The following FAM107B variants were observed in gnomAD, a reference collection of about 807,000 sequenced individuals.
FAM107B encodes protein FAM107B.
In FAM107B, 21 loss-of-function variants were observed where a neutral mutation model predicts 31.5. The observed-to-expected ratio is 0.67, with a 90% confidence interval of 0.47 to 0.96. The LOEUF (loss-of-function observed/expected upper bound fraction) is 0.96, where lower values mean the gene tolerates loss of function less well. FAM107B is among the 40% of genes least tolerant of loss of function. FAM107B has a pLI of 0.00. For missense variants in FAM107B, 452 were observed against 377.1 expected (o/e 1.20, Z -1.64); for synonymous variants, 157 against 141.5 (o/e 1.11, Z -0.78).
chr10:14,719,951 T>TGC (rs1554752708), intron 1 of FAM107B, among the ~76,000 whole-genome samples: 6 of 152,150 alleles, frequency 3.9e-5, no homozygotes, highest in Non-Finnish European at 5.9e-5. Flanking sequence ...TGTGGGCTCT[T>TGC]TTCCTCACTG....
intron 1 of FAM107B, among the ~76,000 whole-genome samples, chr10:14,714,222 T>C (rs919709922): frequency 1.6e-4 from 25 of 152,162 alleles, no homozygotes; most frequent in South Asian, 6.2e-4. Flanking sequence ...AGGAGAAGGT[T>C]CTTATACAGC....
chr10:14,756,712 G>A (rs1029113267), intron 1 of FAM107B, among the ~76,000 whole-genome samples: 6 of 152,144 alleles, frequency 3.9e-5, no homozygotes, highest in South Asian at 2.1e-4. Flanking sequence ...GCATGCATGC[G>A]TATGTTTATT....
chr10:14,679,141 T>TC (rs1854765686), intron 1 of FAM107B, among the ~76,000 whole-genome samples: 1 of 152,064 alleles, frequency 6.6e-6, no homozygotes, highest in African/African-American at 2.4e-5. Flanking sequence ...GTTTTCCTTT[T>TC]TTTTTGGAGA....
intron 2 of FAM107B, among the ~76,000 whole-genome samples, chr10:14,637,181 G>T (rs1853521343): frequency 6.6e-6 from 1 of 152,016 alleles, no homozygotes; most frequent in Admixed American, 6.6e-5. Flanking sequence ...GCTTCACGAG[G>T]GTCTTATTTC....
At chr10:14,731,313 G>A (rs964525116) in intron 1 of FAM107B, among the ~76,000 whole-genome samples, 1 of 152,198 alleles carries the variant, frequency 6.6e-6, no homozygotes, top group South Asian at 2.1e-4. Context: ...TGTAATCCCA[G>A]CAGTATGGGG....
At chr10:14,591,106 C>A (rs1282354118) in intron 2 of FAM107B, among the ~76,000 whole-genome samples, 1 of 150,552 alleles carries the variant, frequency 6.6e-6, no homozygotes, top group Non-Finnish European at 1.5e-5. Flanking sequence ...AATGACTGAT[C>A]TTTTATAAGA....
At chr10:14,705,341 G>C (rs950479364) in intron 1 of FAM107B, among the ~76,000 whole-genome samples, 1 of 152,138 alleles carries the variant, frequency 6.6e-6, no homozygotes, top group Non-Finnish European at 1.5e-5. Context: ...TACCCTATGA[G>C]CCAGCAATTA....
At chr10:14,604,409 G>T (rs1852524032) in intron 2 of FAM107B, 1 of 208,596 alleles carries the variant, frequency 4.8e-6, no homozygotes, top group African/African-American at 2.4e-5. Flanking sequence ...CTCGCTCCCC[G>T]CGGCCCCGCG....
intron 2 of FAM107B, among the ~76,000 whole-genome samples, chr10:14,621,523 T>G (rs1002244951): frequency 6.6e-6 from 1 of 152,172 alleles, no homozygotes; most frequent in Non-Finnish European, 1.5e-5. Context: ...CAAGGAAAAA[T>G]TAAAACAAGA....
At chr10:14,603,005 A>G (rs1385078155) in intron 2 of FAM107B, among the ~76,000 whole-genome samples, 1 of 150,578 alleles carries the variant, frequency 6.6e-6, no homozygotes, top group Non-Finnish European at 1.5e-5. Flanking sequence ...TTTCCCACAC[A>G]CACACACACA....
chr10:14,640,477 T>C (rs1853601119), intron 2 of FAM107B, among the ~76,000 whole-genome samples: 1 of 152,126 alleles, frequency 6.6e-6, no homozygotes. Flanking sequence ...TCTGCTTGAG[T>C]TCTCTTGGAA....
intron 1 of FAM107B, among the ~76,000 whole-genome samples, chr10:14,715,490 A>T (rs1029494668): frequency 1.3e-5 from 2 of 152,214 alleles, no homozygotes; most frequent in Non-Finnish European, 1.5e-5. Flanking sequence ...TGTGATGGTT[A>T]ATTTCTTGTG....
chr10:14,680,343 G>A (rs1854801088), intron 1 of FAM107B, among the ~76,000 whole-genome samples: 1 of 152,104 alleles, frequency 6.6e-6, no homozygotes, highest in South Asian at 2.1e-4. Context: ...GGAGGCTGAG[G>A]CAGGCACATC....
intron 2 of FAM107B, among the ~76,000 whole-genome samples, chr10:14,648,188 A>C (rs1388103071): frequency 6.6e-6 from 1 of 152,210 alleles, no homozygotes; most frequent in Non-Finnish European, 1.5e-5. Flanking sequence ...TTATGGTCTA[A>C]CCAGGAGCAA....
chr10:14,616,067 T>C (rs1297511267), intron 2 of FAM107B, among the ~76,000 whole-genome samples: 1 of 152,208 alleles, frequency 6.6e-6, no homozygotes, highest in Non-Finnish European at 1.5e-5. Flanking sequence ...TAAAACTTTC[T>C]AAAAGAGGTT....
At chr10:14,626,372 T>C (rs1853161966) in intron 2 of FAM107B, among the ~76,000 whole-genome samples, 1 of 152,148 alleles carries the variant, frequency 6.6e-6, no homozygotes, top group African/African-American at 2.4e-5. Flanking sequence ...GAGCCGGAAA[T>C]GTTGGAATTT....
intron 1 of FAM107B, among the ~76,000 whole-genome samples, chr10:14,715,278 A>G (rs1855755457): frequency 6.6e-6 from 1 of 152,222 alleles, no homozygotes; most frequent in Admixed American, 6.5e-5. Context: ...GAGCTCAAGA[A>G]AGAAACTTTC....
At chr10:14,569,896 A>C (rs1028677540) in intron 2 of FAM107B, among the ~76,000 whole-genome samples, 1 of 152,242 alleles carries the variant, frequency 6.6e-6, no homozygotes, top group East Asian at 1.9e-4. Flanking sequence ...GCCAACAGCC[A>C]ACCAGGCAGG....
intron 2 of FAM107B, chr10:14,554,175 C>T (rs1466755102): frequency 1.0e-6 from 1 of 985,220 alleles, no homozygotes; most frequent in East Asian, 1.1e-4. Context: ...TTCTTTATCT[C>T]CTTTTCCTCT....
Sources: allele counts gnomAD v4.1 joint callset (sites outside exome capture counted in the v4.1 genomes callset), GRCh38; gene constraint gnomAD v4.1.1; transcripts MANE v1.5; gene names NCBI Gene and HGNC (gene_info 2026-07-23, HGNC 2026-07-21).